GSE1: variants seen among roughly 807,000 people sequenced by gnomAD.
The protein encoded by GSE1 is Gse1 coiled-coil protein.
In GSE1, 32 loss-of-function variants were observed where a neutral mutation model predicts 112.6. The ratio of observed to expected loss-of-function variants is 0.28; its 90% CI spans 0.21 to 0.38. GSE1 has a LOEUF of 0.38. Among genes scored for constraint, GSE1 ranks in the 10% least tolerant of loss-of-function variants. The probability of loss-of-function intolerance (pLI) is 1.00; values close to 1 mark genes in which losing one functional copy is unlikely to be tolerated. For missense variants in GSE1, 2,348 were observed against 1,699.2 expected (o/e 1.38, Z -6.71); for synonymous variants, 1,115 against 735.6 (o/e 1.52, Z -8.35).
chr16:85,555,175 A>G, upstream of GSE1: 1 of 985,344 alleles, frequency 1.0e-6, no homozygotes, highest in South Asian at 4.7e-5. Context: ...AGGGGAGACA[A>G]ATCTGCTGTC....
intron 2 of GSE1, among the ~76,000 whole-genome samples, chr16:85,636,399 C>A (rs1025672079): frequency 1.3e-5 from 2 of 152,192 alleles, no homozygotes; most frequent in African/African-American, 2.4e-5. Flanking sequence ...TCGTCGCCCC[C>A]ACCCGTTTTG....
chr16:85,491,624 G>GACTCC (rs1297607116), intron 2 of GSE1, among the ~76,000 whole-genome samples: 1 of 152,124 alleles, frequency 6.6e-6, no homozygotes, highest in Admixed American at 6.5e-5. Context: ...CTCAGGCGGG[G>GACTCC]TCATGGCCCG....
chr16:85,642,092 G>A (rs2050494408), intron 2 of GSE1, among the ~76,000 whole-genome samples: 1 of 152,254 alleles, frequency 6.6e-6, no homozygotes, highest in Admixed American at 6.5e-5. Context: ...GTCTGCTCCA[G>A]AGTCATGGCA....
intron 2 of GSE1, among the ~76,000 whole-genome samples, chr16:85,395,249 C>A (rs374579200): frequency 5.9e-5 from 9 of 152,152 alleles, no homozygotes; most frequent in African/African-American, 2.2e-4. Context: ...AAAATCTATA[C>A]GAGGCCCAGA....
intron 1 of GSE1, among the ~76,000 whole-genome samples, chr16:85,230,509 C>T (rs975237696): frequency 6.6e-6 from 1 of 152,214 alleles, no homozygotes; most frequent in African/African-American, 2.4e-5. Context: ...GCAGGACTCA[C>T]TGGCTGTCTC....
intron 13 of GSE1, chr16:85,666,770 G>C (rs981206804): frequency 1.5e-5 from 3 of 198,676 alleles, no homozygotes; most frequent in Non-Finnish European, 3.1e-5. Flanking sequence ...CCTCAGGGTA[G>C]AGCTTCCCTT....
chr16:85,581,576 G>A (rs998426657), intron 1 of GSE1, among the ~76,000 whole-genome samples: 5 of 152,152 alleles, frequency 3.3e-5, no homozygotes, highest in Non-Finnish European at 2.9e-5. Context: ...TGGTCCTACC[G>A]CTCTCCTCTT....
intron 1 of GSE1, among the ~76,000 whole-genome samples, chr16:85,603,888 A>G (rs2047571216): frequency 6.6e-6 from 1 of 152,246 alleles, no homozygotes. Flanking sequence ...AGCGGCATTT[A>G]GTACATTCCT....
At chr16:85,279,754 C>T (rs574380155) in intron 1 of GSE1, among the ~76,000 whole-genome samples, 9 of 152,108 alleles carry the variant, frequency 5.9e-5, no homozygotes, top group Non-Finnish European at 1.0e-4. Flanking sequence ...TTATGGGAGG[C>T]GGTGTTTTCT....
chr16:85,611,080 A>G (rs952580608), upstream of GSE1, among the ~76,000 whole-genome samples: 2 of 152,194 alleles, frequency 1.3e-5, no homozygotes, highest in African/African-American at 4.8e-5. Flanking sequence ...TGTCCGGGTG[A>G]GAGACCTGGA....
chr16:85,450,417 C>G (rs1232846933), intron 2 of GSE1, among the ~76,000 whole-genome samples: 1 of 151,610 alleles, frequency 6.6e-6, no homozygotes, highest in Non-Finnish European at 1.5e-5. Flanking sequence ...CGTGCCCAGC[C>G]ACCTTACTGT....
chr16:85,656,178 T>C (rs1309873562), intron 6 of GSE1, among the ~76,000 whole-genome samples, 165 bp from the exon 7 acceptor site: 1 of 152,054 alleles, frequency 6.6e-6, no homozygotes, highest in East Asian at 1.9e-4. Context: ...GCTTTGATTG[T>C]ATGGACCTTA....
At chr16:85,235,428 C>CTCTGTGTGTGTGTGTGTGTGTG (rs775585078) in intron 1 of GSE1, among the ~76,000 whole-genome samples, 2 of 126,318 alleles carry the variant, frequency 1.6e-5, no homozygotes, top group East Asian at 2.6e-4. Flanking sequence ...TGGAAGGGTA[C>CTCTGTGTGTGTGTGTGTGTGTG]TGTGTGTGTG....
At chr16:85,616,182 C>A (rs1598395388) in intron 1 of GSE1, among the ~76,000 whole-genome samples, 1 of 151,932 alleles carries the variant, frequency 6.6e-6, no homozygotes, top group East Asian at 1.9e-4. Context: ...CCCTTCCAAC[C>A]CCTGGAGTCC....
chr16:85,193,240 T>A (rs577060961), intron 1 of GSE1, among the ~76,000 whole-genome samples: 1 of 152,348 alleles, frequency 6.6e-6, no homozygotes, highest in South Asian at 2.1e-4. Flanking sequence ...TATTGAACAC[T>A]CGTGACGTGG....
At chr16:85,460,455 C>G (rs577735671) in intron 2 of GSE1, among the ~76,000 whole-genome samples, 1 of 152,362 alleles carries the variant, frequency 6.6e-6, no homozygotes, top group South Asian at 2.1e-4. Flanking sequence ...TTGGAAACCA[C>G]ATTATCTTGC....
At chr16:85,285,697 AAAAGAAAG>A (rs1555552850) in intron 1 of GSE1, 11 of 152,952 alleles carry the variant, frequency 7.2e-5, no homozygotes, top group African/African-American at 1.7e-4. Flanking sequence ...AAAAAAAAAA[AAAAGAAAG>A]AAAGAAAGAA....
intron 14 of GSE1, among the ~76,000 whole-genome samples, chr16:85,669,124 T>C (rs1406872170): frequency 1.3e-5 from 2 of 152,266 alleles, no homozygotes; most frequent in African/African-American, 4.8e-5. Flanking sequence ...CACCACCTTC[T>C]GCCTCTGTGC....
At chr16:85,588,333 G>A (rs1408777302) in intron 1 of GSE1, among the ~76,000 whole-genome samples, 1 of 152,218 alleles carries the variant, frequency 6.6e-6, no homozygotes, top group African/African-American at 2.4e-5. Flanking sequence ...CATGCTCACT[G>A]GCTGACTGGC....
Sources: gnomAD v4.1 joint callset for allele counts (sites outside exome capture counted in the v4.1 genomes callset) on GRCh38, gnomAD v4.1.1 for gene constraint, MANE v1.5 for transcripts, NCBI Gene and HGNC (gene_info 2026-07-23, HGNC 2026-07-21) for gene names.